NPAS3: variants seen among roughly 807,000 people sequenced by gnomAD.
NPAS3 encodes neuronal PAS domain-containing protein 3.
In NPAS3, 14 loss-of-function variants were observed where a neutral mutation model predicts 73.1. The ratio of observed to expected loss-of-function variants is 0.19; its 90% CI spans 0.13 to 0.30. The LOEUF is 0.30. NPAS3 is among the 10% of genes least tolerant of loss of function. The pLI, the probability that NPAS3 is intolerant of heterozygous loss-of-function variation, is 1.00. For missense variants in NPAS3, 1,096 were observed against 1,250.0 expected, an observed-to-expected ratio of 0.88 and a Z score of 1.86; for synonymous variants, 620 against 541.5, an observed-to-expected ratio of 1.14 and a Z score of -2.01.
In NPAS3 at chr14:33,800,672, G is replaced by A; in HGVS notation, c.2365G>A (p.Asp789Asn). Reference sequence around the variant, plus strand: ...GTCCAACTCCTTGCTGTACACTGGGGACCTGGAGGCGCTGCAGAGGTTGCA... The same window carrying A: ...GTCCAACTCCTTGCTGTACACTGGGAACCTGGAGGCGCTGCAGAGGTTGCA... The change falls in exon 12 of 12, where the codon GAC (aspartate) becomes AAC (asparagine). Residue 789 changes from aspartate to asparagine, a missense_variant. Around this residue, in one of 5 missense-constraint regions of NPAS3, gnomAD observed 698 missense variants for 676.7 expected, o/e 1.03. Transcript: ENST00000356141. The surrounding 1 kb of genome is among the most constrained non-coding windows in gnomAD (Gnocchi z 6.5). 6.5e-7 allele frequency: 1 copy of A among 1,543,564 alleles called. No individual in the cohort carries two copies. Among genetic ancestry groups the A allele is most frequent in the Non-Finnish European group, 8.7e-7 (1 of 1,147,014 alleles).
chr14:33,019,206 A>G (rs946122441), intron 1 of NPAS3, among the ~76,000 whole-genome samples: 2 of 152,238 alleles, frequency 1.3e-5, no homozygotes, highest in Non-Finnish European at 2.9e-5. Context: ...TGTTTAGCAC[A>G]ATGAAAGTTC....
intron 1 of NPAS3, among the ~76,000 whole-genome samples, chr14:33,030,192 T>C (rs1017585318): frequency 6.6e-6 from 1 of 152,144 alleles, no homozygotes; most frequent in African/African-American, 2.4e-5. Context: ...AGAACTAAAT[T>C]TAATGGTGAG....
chr14:33,780,463 C>G (rs1013121112), intron 9 of NPAS3, among the ~76,000 whole-genome samples: 2 of 152,178 alleles, frequency 1.3e-5, no homozygotes, highest in African/African-American at 4.8e-5. Flanking sequence ...TTTGAGGACA[C>G]TGTCATAGAC....
Position 33,503,890 on chromosome 14 carries a change from A to G in NPAS3, c.469-56231A>G, listed in dbSNP as rs529542871. Among the ~76,000 whole-genome samples the G allele has an allele frequency of 9.9e-4, 151 of 152,150 alleles. 1 individual carries two copies. In the Middle Eastern group the frequency reaches 0.014, roughly 14 times the overall value. ...AGGAAACATTCGTAACTCAATAGTA[A>G]AGAATTAATTGCTCTGCTAAAAGCT... On this transcript the variant is annotated intron_variant, in intron 4 of 11. Transcript: ENST00000356141.
At chr14:33,293,032 G>C (rs1032191245) in intron 3 of NPAS3, among the ~76,000 whole-genome samples, 1 of 152,106 alleles carries the variant, frequency 6.6e-6, no homozygotes, top group African/African-American at 2.4e-5. Context: ...CTTGCCGCTT[G>C]ATTCCTAGGA....
chr14:33,755,209 A>T (rs1264940589), intron 7 of NPAS3, among the ~76,000 whole-genome samples: 1 of 152,088 alleles, frequency 6.6e-6, no homozygotes, highest in Non-Finnish European at 1.5e-5. Flanking sequence ...TATTCTGTAA[A>T]CTCTAAGTGA....
chr14:33,685,058 G>T (rs1047436900), intron 6 of NPAS3, among the ~76,000 whole-genome samples: 1 of 152,138 alleles, frequency 6.6e-6, no homozygotes. Flanking sequence ...TTTCATTCAC[G>T]ATTCAGACCC....
Position 33,576,834 on chromosome 14 carries a change from A to G in NPAS3, c.558+16624A>G, listed in dbSNP as rs766795401. The stretch of plus-strand genomic sequence containing the variant: ...ATCTTTCACTTATTATAGCATGTTT[A>G]TACAAATAAAGAGCAGAGAGTAGGC... On this transcript the variant is annotated intron_variant, in intron 5 of 11. Transcript: ENST00000356141. Among the ~76,000 whole-genome samples the G allele has an allele frequency of 9.9e-5, 15 of 152,184 alleles. 1 individual carries two copies. Among genetic ancestry groups the G allele is most frequent in the Admixed American group, 1.3e-4 (2 of 15,284 alleles).
At chr14:33,191,849 A>G (rs2046182151) in intron 2 of NPAS3, among the ~76,000 whole-genome samples, 1 of 152,230 alleles carries the variant, frequency 6.6e-6, no homozygotes, top group South Asian at 2.1e-4. Context: ...ATGTAAACTG[A>G]ACTCATAAAT....
chr14:33,265,701 A>G (rs1312726172), intron 3 of NPAS3, among the ~76,000 whole-genome samples: 2 of 152,154 alleles, frequency 1.3e-5, no homozygotes, highest in Admixed American at 6.5e-5. Flanking sequence ...GCCAGCATGC[A>G]TAAGTCAGCA....
At chr14:33,702,405 G>T (rs543769725) in intron 6 of NPAS3, among the ~76,000 whole-genome samples, 3 of 152,178 alleles carry the variant, frequency 2.0e-5, no homozygotes, top group Non-Finnish European at 2.9e-5. Flanking sequence ...ACCAATTTCA[G>T]TGCAGATGCA....
intron 5 of NPAS3, among the ~76,000 whole-genome samples, chr14:33,650,936 T>G (rs1016185004): frequency 6.6e-6 from 1 of 152,036 alleles, no homozygotes; most frequent in African/African-American, 2.4e-5. Context: ...GGTCTGAGGA[T>G]TCCAGCCACA....
intron 5 of NPAS3, chr14:33,612,613 C>T: frequency 2.4e-6 from 1 of 417,240 alleles, no homozygotes; most frequent in Admixed American, 2.5e-5. Flanking sequence ...TTTGTAGGTT[C>T]AGAGTGAGGG....
intron 4 of NPAS3, among the ~76,000 whole-genome samples, chr14:33,556,387 A>C (rs1298387679): frequency 2.6e-5 from 4 of 152,236 alleles, no homozygotes; most frequent in Non-Finnish European, 5.9e-5. Context: ...GTGGAATCTG[A>C]ATCTGTAAAT....
intron 6 of NPAS3, among the ~76,000 whole-genome samples, chr14:33,706,856 T>C (rs1358479200): frequency 6.6e-6 from 1 of 152,182 alleles, no homozygotes; most frequent in Non-Finnish European, 1.5e-5. Context: ...TCACGTCTTT[T>C]CAGCCTAACC....
intron 2 of NPAS3, among the ~76,000 whole-genome samples, chr14:33,167,343 A>G (rs2045201277): frequency 6.6e-6 from 1 of 152,196 alleles, no homozygotes; most frequent in African/African-American, 2.4e-5. Context: ...CAATTTCTCA[A>G]AGTATTCAAG....
chr14:33,228,036 C>T (rs1437366647), intron 3 of NPAS3, among the ~76,000 whole-genome samples: 1 of 152,098 alleles, frequency 6.6e-6, no homozygotes, highest in Non-Finnish European at 1.5e-5. Context: ...CTTGTCTATA[C>T]CGTCTACTGC....
At chr14:33,664,034 A>C (rs993899259) in intron 5 of NPAS3, among the ~76,000 whole-genome samples, 3 of 151,554 alleles carry the variant, frequency 2.0e-5, no homozygotes, top group African/African-American at 7.3e-5. Context: ...TCGTGTCTCT[A>C]TCCCAAAAAA....
intron 6 of NPAS3, among the ~76,000 whole-genome samples, chr14:33,720,752 G>T (rs2061085220): frequency 6.6e-6 from 1 of 152,064 alleles, no homozygotes; most frequent in African/African-American, 2.4e-5. Context: ...GGCTCATTGG[G>T]GATACATATA....
Sources: gnomAD v4.1 joint callset for allele counts (sites outside exome capture counted in the v4.1 genomes callset) on GRCh38, gnomAD v4.1.1 for gene constraint, gnomAD v4.1.1 regional missense constraint, Gnocchi (gnomAD v3.1) non-coding constraint, MANE v1.5 for transcripts, NCBI Gene and HGNC (gene_info 2026-07-23, HGNC 2026-07-21) for gene names.